The following SULT1C3 variants were observed in gnomAD, a reference collection of about 807,000 sequenced individuals.
SULT1C3 encodes the protein sulfotransferase 1C3.
Under a neutral mutation model 28.4 loss-of-function variants are expected in SULT1C3, and 31 were observed. That is an observed-to-expected ratio of 1.09 (90% CI 0.82 to 1.47). The LOEUF (loss-of-function observed/expected upper bound fraction) is 1.47. Among genes scored for constraint, SULT1C3 ranks in the 40% most tolerant of loss-of-function variants. The probability of loss-of-function intolerance (pLI) is 0.00; values close to 1 mark genes in which losing one functional copy is unlikely to be tolerated. For missense variants in SULT1C3, 307 were observed against 272.5 expected (o/e 1.13, Z -0.89); for synonymous variants, 106 against 92.2 (o/e 1.15, Z -0.86).
At chr2:108,264,736 T>G (rs1676093249), downstream of SULT1C3, 4 of 1,298,554 alleles carry the variant, frequency 3.1e-6, no homozygotes, top group African/African-American at 1.5e-5. Flanking sequence ...ATCCTTTAAC[T>G]CATTTCTCTC....
At chr2:108,247,045 G>T (rs867296948) in intron 1 of SULT1C3, 143 bp from the exon 2 acceptor site, 2 of 517,140 alleles carry the variant, frequency 3.9e-6, no homozygotes, top group Middle Eastern at 9.0e-4. Context: ...AATGTACATA[G>T]AGTAAGTTGT....
intron 1 of SULT1C3, among the ~76,000 whole-genome samples, chr2:108,243,483 T>C (rs1028301089): frequency 2.0e-5 from 3 of 151,866 alleles, no homozygotes; most frequent in Non-Finnish European, 4.4e-5. Context: ...TACAAAAAAT[T>C]AGCCGGGAGT....
At chr2:108,253,293 A>G in intron 3 of SULT1C3, 52 bp from the exon 4 acceptor site, 1 of 1,173,072 alleles carries the variant, frequency 8.5e-7, no homozygotes, top group Non-Finnish European at 1.2e-6. Context: ...GAATTCAAGT[A>G]TTTTGGCAGA....
chr2:108,247,122 C>G, intron 1 of SULT1C3, 66 bp from the exon 2 acceptor site: 2 of 1,236,050 alleles, frequency 1.6e-6, no homozygotes, highest in Admixed American at 5.9e-5. Context: ...AGATGATAAC[C>G]CATACTATGA....
rs555442912 is a variant in SULT1C3, at chr2:108,259,049, T to A, written c.705T>A (p.His235Gln). 204 of 665,700 alleles carry A rather than the reference T, an allele frequency of 3.1e-4. No homozygotes were observed. Among genetic ancestry groups the A allele is most frequent in the Non-Finnish European group, 4.8e-4 (173 of 363,532 alleles). 41.2% of individuals were successfully genotyped at this position (665,700 alleles called of 1,614,324 possible). A position where few individuals can be genotyped will look rare whatever the true frequency, so the allele number is the denominator to read the frequency against. ...ATGTTATAAACAAGATTGTCCACCATACCTCATTTGATGTAATGAAGGATA... is the reference window on the plus strand; with the variant it reads ...ATGTTATAAACAAGATTGTCCACCAAACCTCATTTGATGTAATGAAGGATA... The part of the protein sequence containing the change: ...SGDVINKIVH[H>Q]TSFDVMKDNP... Residue 235 changes from histidine to glutamine, a missense_variant, in exon 7 of 8, where the codon CAT (histidine) becomes CAA (glutamine). By Grantham distance (24) the His-to-Gln change is conservative (BLOSUM62 0). Transcript: ENST00000681802.
intron 5 of SULT1C3, among the ~76,000 whole-genome samples, 191 bp downstream of exon 5, chr2:108,255,889 A>G (rs1675856300): frequency 1.3e-5 from 2 of 152,088 alleles, no homozygotes; most frequent in Admixed American, 1.3e-4. Context: ...ATTGAGGTCA[A>G]CTGGGGTCAT....
At chr2:108,264,703 T>C (rs1676092863), downstream of SULT1C3, 9 of 1,018,736 alleles carry the variant, frequency 8.8e-6, no homozygotes, top group Non-Finnish European at 1.1e-5. Flanking sequence ...ACTTGAGAAA[T>C]ATTTTTAAAA....
In SULT1C3 at chr2:108,246,769, C is replaced by T. The variant is rs372598608; in HGVS notation, c.-7-419C>T. Among the ~76,000 whole-genome samples, 19 of 152,222 alleles carry T rather than the reference C, an allele frequency of 1.2e-4. 2 individuals carry two copies. The South Asian group carries it at 2.7e-3, about 22-fold the overall frequency. ...TGAATTTTCTTCAATGTAATTGTCT[C>T]GCTTCTAATTATACAAAATAATATC... is the stretch of plus-strand genomic sequence containing the variant. On this transcript the variant is annotated intron_variant, in intron 1 of 7. Transcript: ENST00000681802.
intron 1 of SULT1C3, among the ~76,000 whole-genome samples, chr2:108,244,537 T>G (rs1466619881): frequency 6.6e-6 from 1 of 152,202 alleles, no homozygotes; most frequent in East Asian, 1.9e-4. Flanking sequence ...GGAGACATAT[T>G]ACTTATTTCC....
At chr2:108,245,356 C>A (rs951927567) in intron 1 of SULT1C3, among the ~76,000 whole-genome samples, 4 of 152,136 alleles carry the variant, frequency 2.6e-5, no homozygotes, top group African/African-American at 9.7e-5. Flanking sequence ...GGGCAAGGCC[C>A]CTTTAAGGGA....
In SULT1C3 at chr2:108,260,555, T is replaced by TAA. The variant is rs777990168; in HGVS notation, c.803-13_803-12insAA. ...GTGCAGAGTCTGTCATGAACTTCTTTGATGTCCTACAGGGATGCCTGGAGA... is the reference window on the plus strand; with the variant it reads ...GTGCAGAGTCTGTCATGAACTTCTTTAAGATGTCCTACAGGGATGCCTGGAGA... On this transcript the variant is annotated splice_polypyrimidine_tract_variant and intron_variant, in intron 7 of 7. Transcript: ENST00000681802. 3.9e-6 allele frequency: 2 copies of TAA among 511,206 alleles called. No homozygotes were observed. The highest frequency in any genetic ancestry group is 2.9e-5 in the South Asian group (2 of 69,560). The allele number at this position is 511,206 out of a possible 1,614,324, so 31.7% of individuals were successfully genotyped here.
In SULT1C3 at chr2:108,247,368, T is replaced by A. The variant is rs776248607; in HGVS notation, c.172+2T>A. On this transcript the variant is annotated splice_donor_variant, in intron 2 of 7. Transcript: ENST00000681802. LOFTEE classifies it high-confidence loss of function. Reference sequence around the variant, plus strand: ...TTCTGGCAACTTACCCAAAGTCAGGTAAGGGTAGCAAAACATAAAAATATT... The same window carrying A: ...TTCTGGCAACTTACCCAAAGTCAGGAAAGGGTAGCAAAACATAAAAATATT... 3 of 1,538,552 alleles carry A rather than the reference T, an allele frequency of 1.9e-6. No homozygotes were observed. Among genetic ancestry groups the A allele is most frequent in the Non-Finnish European group, 2.6e-6 (3 of 1,140,636 alleles).
At chr2:108,254,410 G>A (rs1675809198) in intron 4 of SULT1C3, among the ~76,000 whole-genome samples, 1 of 151,942 alleles carries the variant, frequency 6.6e-6, no homozygotes, top group Non-Finnish European at 1.5e-5. Context: ...GTGACCCCAT[G>A]GCTGAGTGAG....
intron 5 of SULT1C3, among the ~76,000 whole-genome samples, chr2:108,258,402 G>A (rs1675930257): frequency 2.0e-5 from 3 of 152,086 alleles, no homozygotes; most frequent in African/African-American, 7.2e-5. Flanking sequence ...AAAGCAGCAG[G>A]AGGACCCTAC....
Position 108,255,629 on chromosome 2 carries a change from A to G in SULT1C3, c.457A>G (p.Arg153Gly). Residue 153 changes from arginine (R) to glycine (G), a missense_variant, in exon 5 of 8, where the codon AGG (arginine) becomes GGG (glycine). Arg to Gly is a moderately radical substitution (Grantham distance 125, BLOSUM62 -2). Coordinates refer to ENST00000681802, the MANE Select transcript of SULT1C3 (RefSeq NM_001320878.2). ...CCTGGTGTCCTACTACCACTTTCACAGGATGGCTTCCTTTATGCCTGATCC... is the reference window on the plus strand; with the variant it reads ...CCTGGTGTCCTACTACCACTTTCACGGGATGGCTTCCTTTATGCCTGATCC... ...DCLVSYYHFH[R>G]MASFMPDPQN... is the part of the protein sequence containing the mutation. 1 of 1,611,952 alleles carries G rather than the reference A, an allele frequency of 6.2e-7. No homozygotes were observed. The highest frequency in any genetic ancestry group is 1.7e-5 in the Admixed American group (1 of 59,874).
chr2:108,259,703 C>A (rs1178085055), intron 7 of SULT1C3, among the ~76,000 whole-genome samples: 3 of 152,084 alleles, frequency 2.0e-5, no homozygotes, highest in Admixed American at 1.3e-4. Context: ...GAGACTCATA[C>A]CTCAAAACAA....
Position 108,243,956 on chromosome 2 carries a change from A to G in SULT1C3, c.-7-3232A>G, listed in dbSNP as rs532088196. Among the ~76,000 whole-genome samples, 43 of 152,352 alleles carry G rather than the reference A, an allele frequency of 2.8e-4. No individual in the cohort carries two copies. In the South Asian group the frequency reaches 8.5e-3, roughly 30 times the overall value. On this transcript the variant is annotated intron_variant, in intron 1 of 7. Coordinates refer to ENST00000681802, the MANE Select transcript of SULT1C3 (RefSeq NM_001320878.2). ...CCATGTAGTTACAGGTCATGTATCC[A>G]GACATGAAACAAGATGGAGGCCTGT...
chr2:108,240,583 G>A (rs982120470), intron 1 of SULT1C3, among the ~76,000 whole-genome samples: 2 of 152,110 alleles, frequency 1.3e-5, no homozygotes, highest in Non-Finnish European at 2.9e-5. Flanking sequence ...TTTATTACCT[G>A]GCAGAATTTG....
downstream of SULT1C3, among the ~76,000 whole-genome samples, chr2:108,261,989 C>G (rs1327052841): frequency 6.6e-6 from 1 of 152,122 alleles, no homozygotes; most frequent in East Asian, 1.9e-4. Context: ...GGCATTTGAA[C>G]CAGCCCAGAG....
Sources: gnomAD v4.1 joint callset for allele counts (sites outside exome capture counted in the v4.1 genomes callset) on GRCh38, gnomAD v4.1.1 for gene constraint, MANE v1.5 for transcripts, NCBI Gene and HGNC (gene_info 2026-07-23, HGNC 2026-07-21) for gene names.